Variants in SMAD9 observed in about 807,000 individuals in gnomAD.
SMAD9 encodes MAD homolog 9.
Under a neutral mutation model 46.1 loss-of-function variants are expected in SMAD9, and 36 were observed. That is an observed-to-expected ratio of 0.78 (90% CI 0.60 to 1.03). SMAD9 has a LOEUF of 1.03. SMAD9 is among the 50% of genes least tolerant of loss of function. The pLI, the probability that SMAD9 is intolerant of heterozygous loss-of-function variation, is 0.00. For synonymous variants in SMAD9, 245 were observed against 237.1 expected, an observed-to-expected ratio of 1.03 and a Z score of -0.31; for missense variants, 572 against 599.8, an observed-to-expected ratio of 0.95 and a Z score of 0.48.
chr13:36,916,150 A>T (rs2138720986), intron 1 of SMAD9, among the ~76,000 whole-genome samples: 1 of 152,318 alleles, frequency 6.6e-6, no homozygotes, highest in South Asian at 2.1e-4. Flanking sequence ...TTGTGAGCAT[A>T]GTTTGAAACA....
intron 1 of SMAD9, among the ~76,000 whole-genome samples, chr13:36,884,942 G>T (rs1158286873): frequency 1.3e-5 from 2 of 152,204 alleles, no homozygotes; most frequent in Non-Finnish European, 2.9e-5. Flanking sequence ...GCACTTGTTT[G>T]TTCTGCGAGG....
intron 1 of SMAD9, among the ~76,000 whole-genome samples, chr13:36,911,210 A>G (rs577248521): frequency 6.6e-6 from 1 of 152,108 alleles, no homozygotes; most frequent in South Asian, 2.1e-4. Flanking sequence ...GGTTTTCACC[A>G]TGTTGTCCAG....
chr13:36,861,167 G>T (rs1220062418), intron 5 of SMAD9, among the ~76,000 whole-genome samples: 1 of 152,192 alleles, frequency 6.6e-6, no homozygotes, highest in South Asian at 2.1e-4. Context: ...CAAAATGCAC[G>T]CAGTGCTGAC....
At position 36,859,047 on chromosome 13, in the gene SMAD9, T is replaced by C. The variant is rs148020445; in HGVS notation, c.1004-5372A>G. On this transcript the variant is annotated intron_variant, in intron 5 of 6. Transcript: ENST00000379826. Reference sequence around the variant, plus strand: ...TAAGAAGAAAATTGGGATCATACTCTACAGGATGTTTTAAAACTTGTTTTC... The same window carrying C: ...TAAGAAGAAAATTGGGATCATACTCCACAGGATGTTTTAAAACTTGTTTTC... 2.4e-3 allele frequency among the ~76,000 whole-genome samples: 371 copies of C among 152,380 alleles called. 4 individuals carry two copies. The highest frequency in any genetic ancestry group is 8.1e-3 in the African/African-American group (339 of 41,600).
intron 1 of SMAD9, among the ~76,000 whole-genome samples, chr13:36,903,119 T>TC (rs1566038749): frequency 7.0e-6 from 1 of 142,212 alleles, no homozygotes; most frequent in African/African-American, 2.5e-5. Context: ...TCTTTTTTTT[T>TC]CTTTTGGTTT....
intron 6 of SMAD9, chr13:36,849,995 T>C: frequency 6.6e-6 from 1 of 152,398 alleles, no homozygotes; most frequent in Non-Finnish European, 1.5e-5. Context: ...TTATCCCATT[T>C]CTGGCAAAAA....
At chr13:36,884,841 A>T (rs1214238282) in intron 1 of SMAD9, among the ~76,000 whole-genome samples, 1 of 152,190 alleles carries the variant, frequency 6.6e-6, no homozygotes, top group African/African-American at 2.4e-5. Context: ...CCTTTGAGCA[A>T]TCCTTCACGG....
At chr13:36,894,524 T>A (rs1003083004) in intron 1 of SMAD9, among the ~76,000 whole-genome samples, 3 of 152,124 alleles carry the variant, frequency 2.0e-5, no homozygotes, top group African/African-American at 7.2e-5. Context: ...CAACAACTCA[T>A]AAAGTTACAA....
chr13:36,851,729 A>T (rs2058076341), intron 6 of SMAD9: 1 of 887,220 alleles, frequency 1.1e-6, no homozygotes, highest in South Asian at 5.2e-5. Flanking sequence ...CTCAAATGTT[A>T]AAAAAAAATG....
chr13:36,880,261 TTCTC>T (rs765107697), intron 1 of SMAD9, among the ~76,000 whole-genome samples: 3 of 152,134 alleles, frequency 2.0e-5, no homozygotes, highest in African/African-American at 7.2e-5. Flanking sequence ...GCATCTCTCT[TTCTC>T]TCTTTCAATT....
intron 5 of SMAD9, among the ~76,000 whole-genome samples, chr13:36,856,723 A>G (rs2058129377): frequency 6.6e-6 from 1 of 152,052 alleles, no homozygotes; most frequent in African/African-American, 2.4e-5. Flanking sequence ...CTTAGCTTGC[A>G]CTAAGACCAC....
intron 3 of SMAD9, among the ~76,000 whole-genome samples, chr13:36,870,024 G>A (rs943491728): frequency 1.6e-4 from 24 of 152,110 alleles, no homozygotes; most frequent in Non-Finnish European, 5.9e-5. Flanking sequence ...TTTTACTCTT[G>A]TTTATCTACA....
intron 1 of SMAD9, among the ~76,000 whole-genome samples, chr13:36,891,839 G>A (rs987489183): frequency 3.9e-5 from 6 of 152,148 alleles, no homozygotes; most frequent in Non-Finnish European, 4.4e-5. Flanking sequence ...CTTCCATCTG[G>A]CATCTGTTAA....
chr13:36,862,024 C>T (rs974578152), intron 5 of SMAD9, among the ~76,000 whole-genome samples: 1 of 151,980 alleles, frequency 6.6e-6, no homozygotes, highest in African/African-American at 2.4e-5. Flanking sequence ...AAAGTCAGAT[C>T]ATATTGTAAA....
chr13:36,885,544 T>C (rs1593597354), intron 1 of SMAD9, among the ~76,000 whole-genome samples: 4 of 152,294 alleles, frequency 2.6e-5, no homozygotes, highest in South Asian at 2.1e-4. Flanking sequence ...TGGATACACA[T>C]AGAAATGGTA....
intron 1 of SMAD9, among the ~76,000 whole-genome samples, chr13:36,902,797 A>C (rs1361418069): frequency 1.3e-5 from 2 of 152,010 alleles, no homozygotes; most frequent in African/African-American, 4.8e-5. Flanking sequence ...TTACTTTTTA[A>C]AAATTATTTA....
intron 5 of SMAD9, among the ~76,000 whole-genome samples, chr13:36,853,876 C>A (rs1172336913): frequency 6.6e-6 from 1 of 152,088 alleles, no homozygotes; most frequent in Non-Finnish European, 1.5e-5. Flanking sequence ...AAGTGGATCG[C>A]AGCTGGGTGC....
Position 36,853,551 on chromosome 13 carries a change from G to T in SMAD9, c.1128C>A (p.Ile376=). The stretch of plus-strand genomic sequence containing the variant: ...AGACCTTGAGGCTGCAGCCGCTGGG[G>T]ATCTTGCAGACGGTAGCTGGGTGGA... ...HGFHPATVCK[I]PSGCSLKVFN... The change falls in exon 6 of 7, where the codon ATC becomes ATA. Residue 376 remains isoleucine, a synonymous_variant. Transcript: ENST00000379826. The T allele has an allele frequency of 1.9e-6, 3 of 1,614,182 alleles. No individual in the cohort carries two copies. Among genetic ancestry groups the T allele is most frequent in the South Asian group, 2.2e-5 (2 of 91,084 alleles).
In SMAD9 at chr13:36,894,776, C is replaced by G. The variant is rs866699985; in HGVS notation, c.-186-14901G>C. Reference sequence around the variant, plus strand: ...GCTGATTGAGGTCCCAGTGGAGAACCCCACCTCCCCTGGAGCCTGTGGTTC... The same window carrying G: ...GCTGATTGAGGTCCCAGTGGAGAACGCCACCTCCCCTGGAGCCTGTGGTTC... On this transcript the variant is annotated intron_variant, in intron 1 of 6. Transcript: ENST00000379826. Among the ~76,000 whole-genome samples the G allele has an allele frequency of 3.7e-4, 56 of 152,190 alleles. No individual in the cohort carries two copies. In the Middle Eastern group the frequency reaches 0.02, roughly 55 times the overall value.
Sources: allele counts gnomAD v4.1 joint callset (sites outside exome capture counted in the v4.1 genomes callset), GRCh38; gene constraint gnomAD v4.1.1; transcripts MANE v1.5; gene names NCBI Gene and HGNC (gene_info 2026-07-23, HGNC 2026-07-21).